The following TSNARE1 variants were observed in gnomAD, a reference collection of about 807,000 sequenced individuals.
TSNARE1 encodes t-SNARE domain-containing protein 1.
A neutral mutation model predicts 62.0 loss-of-function variants in TSNARE1; 49 were observed. The observed-to-expected ratio is 0.79, with a 90% CI of 0.63 to 1.00. The LOEUF is 1.00. TSNARE1 is among the 50% of genes least tolerant of loss of function. The pLI is 0.00. For synonymous variants in TSNARE1, 328 were observed against 294.4 expected (o/e 1.11, Z -1.17); for missense variants, 755 against 700.1 (o/e 1.08, Z -0.88).
intron 1 of TSNARE1, among the ~76,000 whole-genome samples, chr8:142,382,408 C>T (rs1836834868): frequency 1.3e-5 from 2 of 152,194 alleles, no homozygotes; most frequent in Admixed American, 6.5e-5. Context: ...CCCGGGAGGC[C>T]GGCCTCTGCC....
chr8:142,311,222 T>C (rs888475565), intron 9 of TSNARE1, among the ~76,000 whole-genome samples: 1 of 149,734 alleles, frequency 6.7e-6, no homozygotes, highest in Admixed American at 6.7e-5. Flanking sequence ...TGGAGTGCAA[T>C]GGCAATCTTG....
At chr8:142,233,148 T>C (rs1443516899) in intron 12 of TSNARE1, among the ~76,000 whole-genome samples, 4 of 152,202 alleles carry the variant, frequency 2.6e-5, no homozygotes, top group Admixed American at 2.6e-4. Context: ...ACCACATCCA[T>C]GACCTGAGTA....
chr8:142,292,677 G>C (rs983364815), intron 10 of TSNARE1, among the ~76,000 whole-genome samples: 6 of 152,248 alleles, frequency 3.9e-5, no homozygotes, highest in Admixed American at 3.3e-4. Flanking sequence ...CAGGGAAGGA[G>C]AGCAGACATG....
intron 11 of TSNARE1, chr8:142,276,905 T>C: frequency 2.0e-6 from 2 of 985,314 alleles, no homozygotes; most frequent in African/African-American, 3.5e-5. Context: ...GCCAGCAACA[T>C]CTCCCTCAGC....
chr8:142,375,139 C>T (rs1377652951), intron 1 of TSNARE1, among the ~76,000 whole-genome samples: 1 of 152,228 alleles, frequency 6.6e-6, no homozygotes, highest in East Asian at 1.9e-4. Context: ...TCCAAGCCTG[C>T]CACGTGCCGG....
intron 12 of TSNARE1, among the ~76,000 whole-genome samples, chr8:142,255,845 TCAC>T (rs1563781409): frequency 1.1e-4 from 1 of 9,250 alleles, no homozygotes. Flanking sequence ...ACCACCACCA[TCAC>T]CACCACCATC....
intron 12 of TSNARE1, among the ~76,000 whole-genome samples, chr8:142,248,068 GC>G (rs535650440): frequency 1.3e-5 from 2 of 152,122 alleles, no homozygotes; most frequent in Admixed American, 6.5e-5. Context: ...AGGTGATGAG[GC>G]CTGGCGGCTG....
At chr8:142,398,429 C>T (rs1194771871) in intron 1 of TSNARE1, among the ~76,000 whole-genome samples, 1 of 152,108 alleles carries the variant, frequency 6.6e-6, no homozygotes, top group African/African-American at 2.4e-5. Context: ...AAGCACATCC[C>T]CAGCCCTGCC....
At chr8:142,289,867 G>A (rs888349814) in intron 10 of TSNARE1, among the ~76,000 whole-genome samples, 5 of 152,242 alleles carry the variant, frequency 3.3e-5, no homozygotes, top group African/African-American at 9.6e-5. Flanking sequence ...CCGGGCAGGC[G>A]CAGTGGGGCT....
At position 142,274,824 on chromosome 8, in the gene TSNARE1, G is replaced by A. The variant is rs756855930; in HGVS notation, c.1403C>T (p.Ala468Val). The part of the protein sequence containing the change: ...EASLEAASSH[A>V]EAARQLLAGA... Reference sequence around the variant, plus strand: ...AGCCAGGAGCTGGCGGGCTGCCTCCGCATGCGAGGACGCAGCCTCAAGGCT... The same window carrying A: ...AGCCAGGAGCTGGCGGGCTGCCTCCACATGCGAGGACGCAGCCTCAAGGCT... The change falls in exon 12 of 14, where the codon GCG becomes GTG. Residue 468 changes from alanine to valine, a missense_variant. Ala to Val is a moderately conservative substitution (Grantham distance 64, BLOSUM62 0). Transcript: ENST00000524325. 22 of 1,579,752 alleles carry A rather than the reference G, an allele frequency of 1.4e-5. No individual in the cohort carries two copies. Among genetic ancestry groups the A allele is most frequent in the Middle Eastern group, 1.7e-4 (1 of 6,016 alleles).
intron 10 of TSNARE1, 33 bp downstream of exon 10, chr8:142,300,453 G>A (rs752127063): frequency 6.3e-7 from 1 of 1,579,544 alleles, no homozygotes; most frequent in African/African-American, 1.3e-5. Context: ...GTGGAGTGTG[G>A]AGAGTGAGCA....
chr8:142,330,850 C>G (rs767673220), intron 6 of TSNARE1, 51 bp downstream of exon 6: 1 of 1,593,718 alleles, frequency 6.3e-7, no homozygotes, highest in African/African-American at 1.3e-5. Context: ...GCCCCTGCCC[C>G]CCAATGTGCA....
At chr8:142,235,400 C>A (rs909192962) in intron 12 of TSNARE1, among the ~76,000 whole-genome samples, 2 of 150,336 alleles carry the variant, frequency 1.3e-5, no homozygotes, top group African/African-American at 4.9e-5. Context: ...CCTCCACCCC[C>A]ACCCCTACCC....
chr8:142,300,455 G>C (rs200982703), intron 10 of TSNARE1, 31 bp downstream of exon 10: 1 of 1,581,532 alleles, frequency 6.3e-7, no homozygotes, highest in African/African-American at 1.3e-5. Context: ...GGAGTGTGGA[G>C]AGTGAGCACG....
intron 2 of TSNARE1, among the ~76,000 whole-genome samples, chr8:142,348,464 T>C (rs1833663773): frequency 6.8e-6 from 1 of 147,808 alleles, no homozygotes; most frequent in Admixed American, 6.8e-5. Context: ...GAAGGAACAC[T>C]CCCGGCCGCC....
chr8:142,269,334 G>A, intron 12 of TSNARE1: 1 of 653,536 alleles, frequency 1.5e-6, no homozygotes, highest in Non-Finnish European at 1.9e-6. Flanking sequence ...CAGGGTCAAG[G>A]CTCAATGTGC....
chr8:142,265,074 T>C (rs1819064151), intron 12 of TSNARE1, among the ~76,000 whole-genome samples: 1 of 152,182 alleles, frequency 6.6e-6, no homozygotes, highest in South Asian at 2.1e-4. Context: ...TATACTCTAA[T>C]ACTCTTAGGT....
At chr8:142,232,043 G>A (rs1371116514) in intron 12 of TSNARE1, among the ~76,000 whole-genome samples, 1 of 152,248 alleles carries the variant, frequency 6.6e-6, no homozygotes, top group Non-Finnish European at 1.5e-5. Context: ...AGGAGCTGAG[G>A]TCAGGCAGTT....
chr8:142,333,242 C>T (rs1352731320), intron 4 of TSNARE1, among the ~76,000 whole-genome samples: 2 of 152,116 alleles, frequency 1.3e-5, no homozygotes, highest in Non-Finnish European at 2.9e-5. Flanking sequence ...AAGTGAACGG[C>T]AAGTAAAGCA....
Sources: gnomAD v4.1 joint callset for allele counts (sites outside exome capture counted in the v4.1 genomes callset) on GRCh38, gnomAD v4.1.1 for gene constraint, MANE v1.5 for transcripts, NCBI Gene and HGNC (gene_info 2026-07-23, HGNC 2026-07-21) for gene names.